The following MGA variants were observed in gnomAD, a reference collection of about 807,000 sequenced individuals.
MGA encodes the protein MAX gene-associated protein.
MGA carries 40 observed loss-of-function variants against 261.1 expected under a neutral mutation model. That is an observed-to-expected ratio of 0.15 (90% CI 0.12 to 0.20). The LOEUF is 0.20. Ranked by LOEUF, MGA falls within the 10% of genes least tolerant of loss-of-function variation. The pLI is 1.00. For missense variants in MGA, 3,397 were observed against 3,630.5 expected (o/e 0.94, Z 1.65); for synonymous variants, 1,302 against 1,290.6 (o/e 1.01, Z -0.19).
chr15:41,739,004 C>A (rs1043187994), intron 13 of MGA, among the ~76,000 whole-genome samples: 9 of 152,194 alleles, frequency 5.9e-5, no homozygotes, highest in African/African-American at 2.2e-4. Context: ...ACTCCATCTC[C>A]CCCAACCCCC....
In MGA at chr15:41,750,380, G is replaced by C. The variant is rs1457032904; in HGVS notation, c.6773G>C (p.Arg2258Thr). ...CCTTCAGCCTTCTCCATTGTTCCTAGGAGAGCTGCAAAAAGCAGCAGAGGG... is the reference window on the plus strand; with the variant it reads ...CCTTCAGCCTTCTCCATTGTTCCTACGAGAGCTGCAAAAAGCAGCAGAGGG... The change falls in exon 17 of 24, where the codon AGG (arginine) becomes ACG (threonine). Residue 2258 changes from arginine to threonine, a missense_variant. Physicochemically the swap from Arg to Thr is moderately conservative, Grantham distance 71. Coordinates refer to ENST00000219905, the MANE Select transcript of MGA (RefSeq NM_001164273.2). 2 of 1,613,804 alleles carry C rather than the reference G, an allele frequency of 1.2e-6. No homozygotes were observed. Among genetic ancestry groups the C allele is most frequent in the African/African-American group, 1.3e-5 (1 of 74,922 alleles).
At chr15:41,726,908 G>A (rs1417588051) in intron 9 of MGA, among the ~76,000 whole-genome samples, 1 of 151,862 alleles carries the variant, frequency 6.6e-6, no homozygotes. Flanking sequence ...AAACTCTGAG[G>A]GCAAGAACTT....
At chr15:41,652,209 G>C (rs1368866427) in intron 1 of MGA, among the ~76,000 whole-genome samples, 11 of 149,940 alleles carry the variant, frequency 7.3e-5, no homozygotes, top group Non-Finnish European at 1.3e-4. Flanking sequence ...TCCTGAGCTC[G>C]TGATCCACCC....
chr15:41,672,329 A>G (rs995454263), intron 2 of MGA, among the ~76,000 whole-genome samples: 6 of 151,982 alleles, frequency 3.9e-5, no homozygotes, highest in African/African-American at 1.4e-4. Flanking sequence ...AATTTTTTGT[A>G]TTTTTAGTAG....
At chr15:41,765,113 ATC>A in intron 23 of MGA, 51 bp downstream of exon 23, 1 of 1,580,698 alleles carries the variant, frequency 6.3e-7, no homozygotes, top group South Asian at 1.1e-5. Flanking sequence ...TATCCCTAAC[ATC>A]TCACGGTGAC....
Position 41,736,256 on chromosome 15 carries a change from G to A in MGA, c.3992G>A (p.Gly1331Asp). The change falls in exon 13 of 24, where the codon GGT (glycine) becomes GAT (aspartate). Residue 1331 changes from glycine (G) to aspartate (D), a missense_variant. By Grantham distance (94) the Gly-to-Asp change is moderately conservative. This residue lies in a region of MGA where 1,410 missense variants were observed against 1,386.4 expected (regional missense o/e 1.02). Transcript: ENST00000219905. ...TATATGCATCAGAGGTCACCTGGTG[G>A]TCCCACCAAACTGATTGAGATCATC... The A allele has an allele frequency of 6.2e-7, 1 of 1,613,914 alleles. No individual in the cohort carries two copies. The highest frequency in any genetic ancestry group is 8.5e-7 in the Non-Finnish European group (1 of 1,179,868).
At chr15:41,747,533 C>T (rs1340189746) in intron 15 of MGA, among the ~76,000 whole-genome samples, 1 of 151,450 alleles carries the variant, frequency 6.6e-6, no homozygotes, top group East Asian at 1.9e-4. Context: ...GGGTTCCAGA[C>T]CAGCCTGGGC....
At chr15:41,630,466 A>G (rs2056564751) in intron 1 of MGA, among the ~76,000 whole-genome samples, 1 of 152,174 alleles carries the variant, frequency 6.6e-6, no homozygotes, top group African/African-American at 2.4e-5. Context: ...GCTTTGGCCA[A>G]AGAGTAAGTA....
At chr15:41,680,272 C>T (rs1462349073) in intron 2 of MGA, among the ~76,000 whole-genome samples, 5 of 152,124 alleles carry the variant, frequency 3.3e-5, no homozygotes, top group Admixed American at 2.0e-4. Context: ...TCTAGTTTTG[C>T]CCTTGTCAGA....
intron 2 of MGA, chr15:41,691,657 A>G (rs1038001710): frequency 1.9e-6 from 1 of 516,322 alleles, no homozygotes; most frequent in Non-Finnish European, 4.0e-6. Context: ...CTGTCTGAAA[A>G]TGTCTTCAAT....
At chr15:41,695,638 C>G (rs1024583639) in intron 2 of MGA, among the ~76,000 whole-genome samples, 2 of 152,102 alleles carry the variant, frequency 1.3e-5, no homozygotes, top group African/African-American at 4.8e-5. Context: ...GCCTTTAACT[C>G]CCTATCTTTT....
intron 2 of MGA, among the ~76,000 whole-genome samples, chr15:41,683,315 T>C (rs979134978): frequency 3.3e-4 from 50 of 151,246 alleles, no homozygotes; most frequent in African/African-American, 1.2e-3. Flanking sequence ...GGTCTCTTGG[T>C]CTCCTCAAGT....
Position 41,711,199 on chromosome 15 carries a change from A to G in MGA, c.2934A>G (p.Gln978=), listed in dbSNP as rs766511508. Residue 978 remains glutamine (Q), a synonymous_variant, in exon 8 of 24, where the codon CAA becomes CAG. Transcript: ENST00000219905. ...TGCGGCAGGCACAGCAGCAGCAGCA[A>G]CAGCAACAGGGAAGTCGCCCTCCAG... is the stretch of plus-strand genomic sequence containing the variant. 3.1e-6 allele frequency: 5 copies of G among 1,613,908 alleles called. No individual in the cohort carries two copies. The African/African-American group carries it at 6.7e-5, about 22-fold the overall frequency.
chr15:41,677,171 G>A (rs887929708), intron 2 of MGA, among the ~76,000 whole-genome samples: 3 of 151,970 alleles, frequency 2.0e-5, no homozygotes, highest in Non-Finnish European at 2.9e-5. Flanking sequence ...ATTGAGTCTC[G>A]CTCTGTCGCC....
chr15:41,715,758 G>C (rs1279376136), intron 9 of MGA, among the ~76,000 whole-genome samples: 1 of 152,102 alleles, frequency 6.6e-6, no homozygotes, highest in Non-Finnish European at 1.5e-5. Context: ...ATTTAAGTGA[G>C]ATATAGTGTA....
In MGA at chr15:41,689,596, C is replaced by T. The variant is rs2059159609; in HGVS notation, c.1065-6479C>T. Reference sequence around the variant, plus strand: ...TTTTCTTTTTTTTGAGATAGAGTCTCACTCTGTCACCCAGGCTGGAGTGCA... The same window carrying T: ...TTTTCTTTTTTTTGAGATAGAGTCTTACTCTGTCACCCAGGCTGGAGTGCA... On this transcript the variant is annotated intron_variant, in intron 2 of 23. Transcript: ENST00000219905. 2.7e-5 allele frequency among the ~76,000 whole-genome samples: 4 copies of T among 146,548 alleles called. No individual in the cohort carries two copies. In the South Asian group the frequency reaches 8.5e-4, roughly 31 times the overall value.
At chr15:41,747,421 A>C (rs1405382271) in intron 15 of MGA, among the ~76,000 whole-genome samples, 7 of 152,176 alleles carry the variant, frequency 4.6e-5, no homozygotes, top group African/African-American at 1.7e-4. Flanking sequence ...ATTGTGCAGA[A>C]TCTGGATTTT....
Position 41,760,522 on chromosome 15 carries a change from TTAC to T in MGA, c.7393_7395del (p.Thr2465del), listed in dbSNP as rs1317587378. ...TCCAAGGTTTCCAAAAGTCTCATTCTTACTCGAGTAAGTGTTCTGTGTAAATGA... is the reference window on the plus strand; with the variant it reads ...TCCAAGGTTTCCAAAAGTCTCATTCTTCGAGTAAGTGTTCTGTGTAAATGA... On this transcript the variant is annotated inframe_deletion, in exon 20 of 24. Coordinates refer to ENST00000219905, the MANE Select transcript of MGA (RefSeq NM_001164273.2). 6.2e-7 allele frequency: 1 copy of T among 1,613,800 alleles called. No individual in the cohort carries two copies. Among genetic ancestry groups the T allele is most frequent in the Non-Finnish European group, 8.5e-7 (1 of 1,179,814 alleles).
intron 2 of MGA, among the ~76,000 whole-genome samples, chr15:41,685,573 G>A (rs1183045334): frequency 6.6e-6 from 1 of 152,216 alleles, no homozygotes; most frequent in South Asian, 2.1e-4. Flanking sequence ...GTTAAACAAG[G>A]TATATATCTC....
Sources: allele counts gnomAD v4.1 joint callset (sites outside exome capture counted in the v4.1 genomes callset), GRCh38; gene constraint gnomAD v4.1.1; regional missense constraint gnomAD v4.1.1; transcripts MANE v1.5; gene names NCBI Gene and HGNC (gene_info 2026-07-23, HGNC 2026-07-21).